Variants in SYN3 observed in about 807,000 individuals in gnomAD.
SYN3 encodes the protein synapsin-3.
In SYN3, 35 loss-of-function variants were observed where a neutral mutation model predicts 65.8. The observed-to-expected ratio is 0.53, with a 90% CI of 0.41 to 0.70. The LOEUF is 0.70. Among genes scored for constraint, SYN3 ranks in the 30% least tolerant of loss-of-function variants. The pLI is 0.00. For missense variants in SYN3, 680 were observed against 749.0 expected (o/e 0.91, Z 1.08); for synonymous variants, 270 against 292.9 (o/e 0.92, Z 0.80).
At chr22:32,558,830 C>T (rs2058542198) in intron 7 of SYN3, among the ~76,000 whole-genome samples, 1 of 152,224 alleles carries the variant, frequency 6.6e-6, no homozygotes, top group South Asian at 2.1e-4. Context: ...ATGGCCGGGG[C>T]TCTGGGCTGA....
chr22:32,671,553 A>G (rs2060365039), intron 6 of SYN3, among the ~76,000 whole-genome samples: 1 of 143,356 alleles, frequency 7.0e-6, no homozygotes, highest in African/African-American at 2.5e-5. Flanking sequence ...GCAGGTGCAC[A>G]CACACACACA....
chr22:32,870,255 C>A (rs2048813377), intron 4 of SYN3, among the ~76,000 whole-genome samples: 1 of 152,154 alleles, frequency 6.6e-6, no homozygotes, highest in African/African-American at 2.4e-5. Context: ...TTTGTATATA[C>A]ATTTTTGATC....
At chr22:32,763,193 C>T (rs1465367097) in intron 6 of SYN3, among the ~76,000 whole-genome samples, 1 of 151,738 alleles carries the variant, frequency 6.6e-6, no homozygotes, top group Admixed American at 6.6e-5. Context: ...GTCGCCCAGG[C>T]TGGAGTGCAG....
At chr22:33,045,703 C>A (rs1478330751) in intron 1 of SYN3, among the ~76,000 whole-genome samples, 1 of 151,936 alleles carries the variant, frequency 6.6e-6, no homozygotes, top group Admixed American at 6.6e-5. Flanking sequence ...ACCTTGTGAT[C>A]CGCACACCTC....
intron 6 of SYN3, among the ~76,000 whole-genome samples, chr22:32,789,733 T>A (rs1170144879): frequency 7.2e-5 from 11 of 152,222 alleles, no homozygotes; most frequent in Non-Finnish European, 1.3e-4. Flanking sequence ...CAGTATTGGT[T>A]ACGTTCTTGG....
chr22:32,846,505 G>A (rs2048066691), intron 6 of SYN3, among the ~76,000 whole-genome samples: 1 of 152,194 alleles, frequency 6.6e-6, no homozygotes, highest in African/African-American at 2.4e-5. Flanking sequence ...GTTTGGGATG[G>A]ACTACATACT....
chr22:32,518,506 T>C, intron 12 of SYN3, 172 bp from the exon 13 acceptor site: 1 of 790,802 alleles, frequency 1.3e-6, no homozygotes, highest in Non-Finnish European at 2.1e-6. Context: ...AACATTAAGA[T>C]ACATCTGTAT....
intron 6 of SYN3, among the ~76,000 whole-genome samples, chr22:32,659,832 C>T (rs2060192585): frequency 6.6e-6 from 1 of 152,140 alleles, no homozygotes. Flanking sequence ...TAAAGAGTGG[C>T]TGTGTGACTT....
At chr22:32,764,429 G>C (rs2045570649) in intron 6 of SYN3, among the ~76,000 whole-genome samples, 1 of 152,186 alleles carries the variant, frequency 6.6e-6, no homozygotes, top group Non-Finnish European at 1.5e-5. Context: ...ACTGCGTTGA[G>C]AAAGCAAGTT....
At chr22:32,802,678 G>C (rs1053811271) in intron 6 of SYN3, among the ~76,000 whole-genome samples, 53 of 152,138 alleles carry the variant, frequency 3.5e-4, no homozygotes, top group Non-Finnish European at 5.9e-4. Context: ...TTCTGGGACT[G>C]CCAAGTTTGG....
chr22:32,771,971 C>T (rs569649548), intron 6 of SYN3, among the ~76,000 whole-genome samples: 2 of 152,152 alleles, frequency 1.3e-5, no homozygotes, highest in East Asian at 3.9e-4. Flanking sequence ...GGAGCACAGC[C>T]GTTTAATGTG....
At chr22:33,005,247 C>T (rs1038314264) in intron 2 of SYN3, among the ~76,000 whole-genome samples, 1 of 152,188 alleles carries the variant, frequency 6.6e-6, no homozygotes, top group South Asian at 2.1e-4. Context: ...GAGACATGCA[C>T]ATGCGACCCT....
At chr22:32,619,073 G>A (rs1228501170) in intron 6 of SYN3, among the ~76,000 whole-genome samples, 1 of 152,156 alleles carries the variant, frequency 6.6e-6, no homozygotes. Context: ...GCATTTGGTT[G>A]CAGGGCCAGC....
intron 6 of SYN3, chr22:32,857,427 A>G: frequency 8.4e-7 from 1 of 1,193,288 alleles, no homozygotes; most frequent in Non-Finnish European, 1.3e-6. Context: ...ACTTCAGAAG[A>G]ACACATACGG....
chr22:32,607,651 C>T (rs890755177), intron 6 of SYN3, among the ~76,000 whole-genome samples: 5 of 152,206 alleles, frequency 3.3e-5, no homozygotes, highest in East Asian at 1.9e-4. Context: ...AAAAATGAAA[C>T]GAAATCTGCC....
rs138349925 is a variant in SYN3 at position 32,572,094 on chromosome 22, G to A, written c.774+24580C>T. On this transcript the variant is annotated intron_variant, in intron 7 of 13. Transcript: ENST00000358763. ...TGGGCAAGCAGAGGAGGCTTTAAGC[G>A]GGGAAGGTACTTAAGTTGGGTCTTG... is the stretch of plus-strand genomic sequence containing the variant. Among the ~76,000 whole-genome samples, 940 of 151,936 alleles carry A rather than the reference G, an allele frequency of 6.2e-3. 13 individuals are homozygous for A. The highest frequency in any genetic ancestry group is 0.021 in the African/African-American group (873 of 41,438).
At chr22:33,055,864 C>T (rs1468198241) in intron 1 of SYN3, among the ~76,000 whole-genome samples, 1 of 152,166 alleles carries the variant, frequency 6.6e-6, no homozygotes, top group Non-Finnish European at 1.5e-5. Flanking sequence ...CTCCCCATCA[C>T]CTAGGATAGC....
At chr22:33,011,332 G>A (rs1051032528) in intron 1 of SYN3, among the ~76,000 whole-genome samples, 1 of 152,120 alleles carries the variant, frequency 6.6e-6, no homozygotes, top group African/African-American at 2.4e-5. Context: ...AGGATTATAT[G>A]TTTTTGAAAC....
intron 7 of SYN3, among the ~76,000 whole-genome samples, chr22:32,553,393 T>A (rs2058445063): frequency 6.6e-6 from 1 of 152,292 alleles, no homozygotes; most frequent in Admixed American, 6.5e-5. Context: ...AGGTAAAAGA[T>A]ATCAAAAGGA....
Sources: gnomAD v4.1 joint callset for allele counts (sites outside exome capture counted in the v4.1 genomes callset) on GRCh38, gnomAD v4.1.1 for gene constraint, MANE v1.5 for transcripts, NCBI Gene and HGNC (gene_info 2026-07-23, HGNC 2026-07-21) for gene names.